Variants in RBM19 observed in about 807,000 individuals in gnomAD.
RBM19 encodes probable RNA-binding protein 19.
In RBM19, 94 loss-of-function variants were observed where a neutral mutation model predicts 116.8. The observed-to-expected ratio is 0.80, with a 90% CI of 0.68 to 0.95. The LOEUF (loss-of-function observed/expected upper bound fraction) is 0.95, where lower values mean the gene tolerates loss of function less well. Among genes scored for constraint, RBM19 ranks in the 40% least tolerant of loss-of-function variants. The pLI, the probability that RBM19 is intolerant of heterozygous loss-of-function variation, is 0.00. For synonymous variants in RBM19, 475 were observed against 494.1 expected (o/e 0.96, Z 0.51); for missense variants, 1,161 against 1,220.7 (o/e 0.95, Z 0.73).
chr12:113,858,952 C>A (rs774607484), intron 21 of RBM19, 56 bp from the exon 22 acceptor site: 1 of 1,518,586 alleles, frequency 6.6e-7, no homozygotes, highest in African/African-American at 1.4e-5. Context: ...CAAGGGAGGT[C>A]GGGAAGGCAG....
downstream of RBM19, among the ~76,000 whole-genome samples, chr12:113,821,303 C>T (rs1356617039): frequency 6.6e-6 from 1 of 152,190 alleles, no homozygotes; most frequent in East Asian, 1.9e-4. Flanking sequence ...GCCCGTGGGT[C>T]TACACCTGAG....
Position 113,908,324 on chromosome 12 carries a change from G to A in RBM19, c.2558+6645C>T, listed in dbSNP as rs1387403908. On this transcript the variant is annotated intron_variant, in intron 21 of 23. Transcript: ENST00000261741. ...CCCCATGCCTGTGTGGGGGAGACAA[G>A]GGAGGTGTGTGTGGGGAGCATGAGT... Among the ~76,000 whole-genome samples, 7 of 152,176 alleles carry A rather than the reference G, an allele frequency of 4.6e-5. No individual in the cohort carries two copies. The East Asian group carries it at 9.7e-4, about 21-fold the overall frequency.
At chr12:113,965,748 C>T (rs1006948637) in intron 1 of RBM19, among the ~76,000 whole-genome samples, 1 of 152,122 alleles carries the variant, frequency 6.6e-6, no homozygotes, top group African/African-American at 2.4e-5. Context: ...TCCTACTTGC[C>T]CTAAGGATGG....
chr12:113,919,988 T>C (rs188900630), intron 19 of RBM19, among the ~76,000 whole-genome samples: 1 of 152,004 alleles, frequency 6.6e-6, no homozygotes, highest in Non-Finnish European at 1.5e-5. Context: ...TGCACACCTC[T>C]CTCCTCATCC....
intron 23 of RBM19, among the ~76,000 whole-genome samples, chr12:113,827,139 G>T (rs1202980242): frequency 6.6e-6 from 1 of 152,174 alleles, no homozygotes; most frequent in Non-Finnish European, 1.5e-5. Context: ...GCCTCAGTGG[G>T]TTTTCACCAA....
rs760099995 is a variant in RBM19 at position 113,957,895 on chromosome 12, C to T, written c.727G>A (p.Glu243Lys). ...GGGGTGGCGGAGGAATCCTCTTCCT[C>T]GGCCTCACTCCCTTCATCACAGTGC... ...AVHCDEGSEA[E>K]EEDSSATPVL... Residue 243 changes from glutamate to lysine, a missense_variant, in exon 6 of 24, where the codon GAG (glutamate) becomes AAG (lysine). Coordinates refer to ENST00000261741, the MANE Select transcript of RBM19 (RefSeq NM_016196.4). 1.2e-4 allele frequency: 189 copies of T among 1,614,042 alleles called. No individual in the cohort carries two copies. The highest frequency in any genetic ancestry group is 1.4e-4 in the Non-Finnish European group (170 of 1,180,040).
chr12:113,861,513 T>TGTGTGTGTGTGTGTGG (rs1320114571), intron 21 of RBM19, among the ~76,000 whole-genome samples: 1 of 143,784 alleles, frequency 7.0e-6, no homozygotes, highest in African/African-American at 2.6e-5. Flanking sequence ...TGTGTGTGTG[T>TGTGTGTGTGTGTGTGG]GAAGGAGAGA....
At chr12:113,923,876 C>G (rs1472959135) in intron 18 of RBM19, among the ~76,000 whole-genome samples, 1 of 152,246 alleles carries the variant, frequency 6.6e-6, no homozygotes, top group Non-Finnish European at 1.5e-5. Context: ...TCTTATATAA[C>G]TAACACCGTG....
intron 9 of RBM19, 100 bp downstream of exon 9, chr12:113,949,983 T>TTGGTGG: frequency 9.2e-7 from 1 of 1,091,380 alleles, no homozygotes; most frequent in Non-Finnish European, 1.4e-6. Flanking sequence ...CACTGCATTC[T>TTGGTGG]TGGTGGTGGT....
At chr12:113,856,492 C>T (rs1288267106) in intron 22 of RBM19, among the ~76,000 whole-genome samples, 1 of 152,250 alleles carries the variant, frequency 6.6e-6, no homozygotes. Context: ...AACTCGGCAT[C>T]AACCTCTTGG....
chr12:113,888,933 CT>C (rs1025407485), intron 21 of RBM19, among the ~76,000 whole-genome samples: 9 of 152,214 alleles, frequency 5.9e-5, no homozygotes, highest in African/African-American at 2.2e-4. Flanking sequence ...TACTGCCCCC[CT>C]GAAAGCCTTT....
At chr12:113,963,421 A>G (rs1872654364) in intron 1 of RBM19, among the ~76,000 whole-genome samples, 1 of 152,200 alleles carries the variant, frequency 6.6e-6, no homozygotes, top group Non-Finnish European at 1.5e-5. Context: ...GGGCCCCACG[A>G]ACAGCCAAAA....
At chr12:113,854,718 C>T (rs1024133110) in intron 22 of RBM19, among the ~76,000 whole-genome samples, 14 of 152,184 alleles carry the variant, frequency 9.2e-5, no homozygotes, top group Admixed American at 3.3e-4. Flanking sequence ...TCAGGACCCA[C>T]CCCCGGTTCA....
At chr12:113,843,712 C>T (rs949089016) in intron 23 of RBM19, among the ~76,000 whole-genome samples, 1 of 152,190 alleles carries the variant, frequency 6.6e-6, no homozygotes, top group African/African-American at 2.4e-5. Flanking sequence ...GTGTACCTGA[C>T]AGCAAGGGGC....
chr12:113,884,117 A>AAAAAAAAAAC (rs1258915708), intron 21 of RBM19, among the ~76,000 whole-genome samples: 1 of 147,756 alleles, frequency 6.8e-6, no homozygotes, highest in Non-Finnish European at 1.5e-5. Flanking sequence ...TCTACCAAAA[A>AAAAAAAAAAC]AAAAAAAAAA....
chr12:113,931,650 C>T (rs1194450115), intron 16 of RBM19, among the ~76,000 whole-genome samples: 2 of 152,150 alleles, frequency 1.3e-5, no homozygotes, highest in African/African-American at 2.4e-5. Flanking sequence ...CCGTTCCAAA[C>T]GCACTGGTCT....
chr12:113,915,616 C>A (rs1020966368), intron 20 of RBM19, among the ~76,000 whole-genome samples: 2 of 152,152 alleles, frequency 1.3e-5, no homozygotes, highest in Non-Finnish European at 2.9e-5. Flanking sequence ...CCCACTCCAC[C>A]AAAACAGGGT....
intron 23 of RBM19, among the ~76,000 whole-genome samples, chr12:113,829,788 C>A (rs1010699856): frequency 2.0e-5 from 3 of 152,208 alleles, no homozygotes; most frequent in African/African-American, 7.2e-5. Context: ...CAGGGCCCGG[C>A]CCGTTGAGGT....
rs147446978 is a variant in RBM19 at position 113,914,982 on chromosome 12, G to A, written c.2545C>T (p.Arg849Ter). The A allele has an allele frequency of 6.2e-6, 10 of 1,613,654 alleles. No homozygotes were observed. Among genetic ancestry groups the A allele is most frequent in the Admixed American group, 1.7e-5 (1 of 59,996 alleles). Reference sequence around the variant, plus strand: ...TGAAGTTCTCACCTGAAGAGCTCTCGGATCTCCCGGCTGTGGGCCTGGAAG... The same window carrying A: ...TGAAGTTCTCACCTGAAGAGCTCTCAGATCTCCCGGCTGTGGGCCTGGAAG... The part of the protein sequence containing the change: ...IPFQAHSREI[R>*]ELFSTFGELK... Residue 849 changes from arginine to a stop codon, truncating the protein, a stop_gained, in exon 21 of 24, where the codon CGA becomes TGA. Transcript: ENST00000261741. LOFTEE classifies it high-confidence loss of function.
Sources: allele counts gnomAD v4.1 joint callset (sites outside exome capture counted in the v4.1 genomes callset), GRCh38; gene constraint gnomAD v4.1.1; transcripts MANE v1.5; gene names NCBI Gene and HGNC (gene_info 2026-07-23, HGNC 2026-07-21).